Variants in NCAM1 observed in about 807,000 individuals in gnomAD.
NCAM1 encodes the protein neural cell adhesion molecule 1.
NCAM1 carries 14 observed loss-of-function variants against 109.8 expected under a neutral mutation model. That is an observed-to-expected ratio of 0.13 (90% CI 0.08 to 0.20). The LOEUF is 0.20. Ranked by LOEUF, NCAM1 falls within the 10% of genes least tolerant of loss-of-function variation. The probability of loss-of-function intolerance (pLI) is 1.00; values close to 1 mark genes in which losing one functional copy is unlikely to be tolerated. For synonymous variants in NCAM1, 418 were observed against 442.9 expected, an observed-to-expected ratio of 0.94 and a Z score of 0.70; for missense variants, 774 against 1,109.9, an observed-to-expected ratio of 0.70 and a Z score of 4.30.
intron 1 of NCAM1, among the ~76,000 whole-genome samples, chr11:113,034,312 G>A (rs960490658): frequency 3.9e-5 from 6 of 151,968 alleles, no homozygotes; most frequent in African/African-American, 1.5e-4. Context: ...TTTAGGGGCT[G>A]TGAACTTGGT....
chr11:113,235,373 G>C, intron 14 of NCAM1: 1 of 1,101,758 alleles, frequency 9.1e-7, no homozygotes, highest in Non-Finnish European at 1.4e-6. Flanking sequence ...CCAAGGGGTT[G>C]GGGACACTGT....
At chr11:113,006,572 C>A (rs1951897473) in intron 1 of NCAM1, among the ~76,000 whole-genome samples, 1 of 152,110 alleles carries the variant, frequency 6.6e-6, no homozygotes, top group Admixed American at 6.5e-5. Flanking sequence ...AGGTTTGCTA[C>A]TTTTGTGCCG....
At chr11:113,051,103 C>G (rs1328803096) in intron 1 of NCAM1, among the ~76,000 whole-genome samples, 1 of 152,148 alleles carries the variant, frequency 6.6e-6, no homozygotes, top group East Asian at 1.9e-4. Context: ...TAAATTTCTA[C>G]TAGGTCATGT....
chr11:113,180,898 A>G (rs550575568), intron 1 of NCAM1, among the ~76,000 whole-genome samples: 1 of 152,344 alleles, frequency 6.6e-6, no homozygotes, highest in African/African-American at 2.4e-5. Flanking sequence ...TGCAGAGACC[A>G]TGCTGCGTCC....
At chr11:113,262,744 C>T (rs1946044467) in intron 17 of NCAM1, 2 of 1,289,920 alleles carry the variant, frequency 1.6e-6, no homozygotes, top group African/African-American at 1.5e-5. Context: ...CTGTGTCTGT[C>T]GTCACACTTG....
chr11:113,118,432 T>G lies in NCAM1; in HGVS notation c.53-83947T>G, dbSNP rs141677443. Among the ~76,000 whole-genome samples the G allele has an allele frequency of 3.3e-3, 509 of 152,090 alleles. 10 individuals are homozygous for G. The highest frequency in any genetic ancestry group is 8.9e-3 in the South Asian group (43 of 4,834). On this transcript the variant is annotated intron_variant, in intron 1 of 19. Transcript: ENST00000316851. ...AAGATTTTCTTGGACTTAAGAAGTTTTAGCTGGGCCAGTTTCTGTGGCCTA... is the reference window on the plus strand; with the variant it reads ...AAGATTTTCTTGGACTTAAGAAGTTGTAGCTGGGCCAGTTTCTGTGGCCTA...
intron 1 of NCAM1, among the ~76,000 whole-genome samples, chr11:113,067,942 G>A (rs1185022863): frequency 3.8e-5 from 5 of 131,494 alleles, no homozygotes; most frequent in African/African-American, 8.7e-5. Context: ...ACGGAGTCTC[G>A]CTCTGTCACC....
At chr11:113,096,844 T>A (rs1437129589) in intron 1 of NCAM1, among the ~76,000 whole-genome samples, 1 of 152,042 alleles carries the variant, frequency 6.6e-6, no homozygotes, top group Non-Finnish European at 1.5e-5. Flanking sequence ...ATCCCCCAGA[T>A]ACACCCTCAT....
chr11:113,224,368 G>A (rs1294795291), intron 9 of NCAM1, among the ~76,000 whole-genome samples: 6 of 152,208 alleles, frequency 3.9e-5, no homozygotes, highest in Non-Finnish European at 7.3e-5. Flanking sequence ...ACTGCAAGGC[G>A]GCAGCAAGGC....
chr11:113,133,989 A>C lies in NCAM1; in HGVS notation c.53-68390A>C, dbSNP rs549149640. 6 of 145,062 alleles carry C rather than the reference A, an allele frequency of 4.1e-5. No homozygotes were observed. The East Asian group carries it at 1.3e-3, about 31-fold the overall frequency. The allele number at this position is 145,062 out of a possible 1,614,324, so 9.0% of individuals were successfully genotyped here. ...TCTCTCTTTGCCTATTTTCGGTGGC[A>C]AAAAAAAAACATATAAAATTGACCA... On this transcript the variant is annotated intron_variant, in intron 1 of 19. Transcript: ENST00000316851.
At chr11:113,165,981 G>A (rs918226773) in intron 1 of NCAM1, among the ~76,000 whole-genome samples, 7 of 149,394 alleles carry the variant, frequency 4.7e-5, no homozygotes, top group Admixed American at 1.3e-4. Context: ...CACCATGCCC[G>A]GCTAATTTTT....
intron 1 of NCAM1, among the ~76,000 whole-genome samples, chr11:112,999,842 A>G (rs2134962258): frequency 6.6e-6 from 1 of 152,344 alleles, no homozygotes; most frequent in South Asian, 2.1e-4. Flanking sequence ...TTGATTGTAT[A>G]CTTCTTACCT....
At chr11:113,070,203 A>G (rs1938196250) in intron 1 of NCAM1, among the ~76,000 whole-genome samples, 1 of 152,076 alleles carries the variant, frequency 6.6e-6, no homozygotes. Flanking sequence ...GAATGACGTG[A>G]TTATGCTTGA....
Position 113,210,775 on chromosome 11 carries a change from AACACACACACACAC to A in NCAM1, c.916+2807_916+2820del, listed in dbSNP as rs35387760. On this transcript the variant is annotated intron_variant, in intron 7 of 19. Coordinates refer to ENST00000316851, the MANE Select transcript of NCAM1 (RefSeq NM_181351.5). ...GACACATACACCCCTCTTCATCACA[AACACACACACACAC>A]ACACACACACACACACACACACACA... Among the ~76,000 whole-genome samples the A allele has an allele frequency of 1.1e-3, 148 of 130,980 alleles. 2 individuals are homozygous for A. The East Asian group carries it at 0.016, about 15-fold the overall frequency. 85.9% of individuals were successfully genotyped at this position (130,980 alleles called of 152,430 possible). A position where few individuals can be genotyped will look rare whatever the true frequency, so the allele number is the denominator to read the frequency against.
chr11:113,260,115 T>C lies in NCAM1; in HGVS notation c.1954-31T>C. 3 of 1,590,436 alleles carry C rather than the reference T, an allele frequency of 1.9e-6. No individual in the cohort carries two copies. The South Asian group carries it at 3.5e-5, about 19-fold the overall frequency. On this transcript the variant is annotated intron_variant, in intron 16 of 19. Transcript: ENST00000316851. ...TTTTATCTAAAGCTTTTTTGGTCTC[T>C]TGTATCCTTCTTGCCGGTTTCTCCC...
intron 1 of NCAM1, among the ~76,000 whole-genome samples, chr11:113,047,875 A>AC (rs1352848753): frequency 2.0e-5 from 3 of 151,768 alleles, no homozygotes; most frequent in African/African-American, 7.3e-5. Context: ...TGATTAAATT[A>AC]CCCCCCACTG....
chr11:113,124,122 T>C (rs1490656100), intron 1 of NCAM1, among the ~76,000 whole-genome samples: 1 of 152,060 alleles, frequency 6.6e-6, no homozygotes, highest in African/African-American at 2.4e-5. Flanking sequence ...ATAACAATGC[T>C]AGGGAAAGAA....
At chr11:112,967,617 G>A (rs1246680118) in intron 1 of NCAM1, among the ~76,000 whole-genome samples, 1 of 152,164 alleles carries the variant, frequency 6.6e-6, no homozygotes, top group Non-Finnish European at 1.5e-5. Flanking sequence ...GTGCATGTAG[G>A]CAGTGTTCAT....
chr11:113,224,220 G>A (rs551935547), intron 9 of NCAM1, among the ~76,000 whole-genome samples: 27 of 152,280 alleles, frequency 1.8e-4, no homozygotes, highest in Admixed American at 5.9e-4. Flanking sequence ...TGAAAAATTG[G>A]GTCATTCCCA....
Sources: gnomAD v4.1 joint callset for allele counts (sites outside exome capture counted in the v4.1 genomes callset) on GRCh38, gnomAD v4.1.1 for gene constraint, MANE v1.5 for transcripts, NCBI Gene and HGNC (gene_info 2026-07-23, HGNC 2026-07-21) for gene names.